Variants in ITGA11 observed in about 807,000 individuals in gnomAD.
The protein encoded by ITGA11 is integrin subunit alpha 11.
Under a neutral mutation model 141.9 loss-of-function variants are expected in ITGA11, and 97 were observed. The observed-to-expected ratio is 0.68, with a 90% CI of 0.58 to 0.81. ITGA11 has a LOEUF of 0.81. ITGA11 is among the 30% of genes least tolerant of loss of function. The probability of loss-of-function intolerance (pLI) is 0.00; values close to 1 mark genes in which losing one functional copy is unlikely to be tolerated. For synonymous variants in ITGA11, 658 were observed against 624.6 expected, an observed-to-expected ratio of 1.05 and a Z score of -0.80; for missense variants, 1,387 against 1,559.2, an observed-to-expected ratio of 0.89 and a Z score of 1.86.
intron 1 of ITGA11, among the ~76,000 whole-genome samples, chr15:68,415,699 C>G (rs575718122): frequency 1.3e-5 from 2 of 152,288 alleles, no homozygotes; most frequent in East Asian, 3.9e-4. Context: ...CTCACATGCC[C>G]TCTCGAATGT....
chr15:68,405,505 G>C (rs1228832659), intron 1 of ITGA11, among the ~76,000 whole-genome samples: 1 of 152,142 alleles, frequency 6.6e-6, no homozygotes, highest in Admixed American at 6.5e-5. Context: ...TGGCCCTGGA[G>C]TGGGGGTTGG....
chr15:68,405,215 T>C (rs557301284), intron 1 of ITGA11, among the ~76,000 whole-genome samples: 1 of 128,862 alleles, frequency 7.8e-6, no homozygotes, highest in Admixed American at 9.8e-5. Flanking sequence ...TTTCCATCAT[T>C]AGAGTCATAG....
chr15:68,409,669 C>G (rs1896728406), intron 1 of ITGA11, among the ~76,000 whole-genome samples: 1 of 152,008 alleles, frequency 6.6e-6, no homozygotes, highest in Non-Finnish European at 1.5e-5. Context: ...ACTTAGATAA[C>G]AATAATAAAA....
chr15:68,428,989 G>A (rs1330772576), intron 1 of ITGA11, among the ~76,000 whole-genome samples: 1 of 152,158 alleles, frequency 6.6e-6, no homozygotes, highest in Non-Finnish European at 1.5e-5. Flanking sequence ...ATTCTTCAAT[G>A]TACTTCCTCT....
At position 68,325,927 on chromosome 15, in the gene ITGA11, G is replaced by A. The variant is rs372588659; in HGVS notation, c.2212-686C>T. Among the ~76,000 whole-genome samples the A allele has an allele frequency of 5.3e-5, 8 of 150,044 alleles. No homozygotes were observed. Among genetic ancestry groups the A allele is most frequent in the Admixed American group, 6.6e-5 (1 of 15,198 alleles). On this transcript the variant is annotated intron_variant, in intron 17 of 29. Coordinates refer to ENST00000315757, the MANE Select transcript of ITGA11 (RefSeq NM_001004439.2). The surrounding 1 kb of genome is among the most constrained non-coding windows in gnomAD (Gnocchi z 5.5). ...GCTTGTTAAAACACAGGGTGCTGGCGCCAGCCCCAGCCCCAGCCCCAGAGT... is the reference window on the plus strand; with the variant it reads ...GCTTGTTAAAACACAGGGTGCTGGCACCAGCCCCAGCCCCAGCCCCAGAGT...
At position 68,310,344 on chromosome 15, in the gene ITGA11, G is replaced by A. The variant is rs150628715; in HGVS notation, c.3174+650C>T. Among the ~76,000 whole-genome samples the A allele has an allele frequency of 5.3e-4, 81 of 152,266 alleles. 1 individual carries two copies. In the East Asian group the frequency reaches 0.013, roughly 24 times the overall value. On this transcript the variant is annotated intron_variant, in intron 26 of 29. Coordinates refer to ENST00000315757, the MANE Select transcript of ITGA11 (RefSeq NM_001004439.2). ...AACCCCAACCCAGCCTAAATCTTTG[G>A]CAAAGCCCACTACCCTCAGTAAGTG...
At chr15:68,318,651 G>C (rs1008700917) in intron 20 of ITGA11, among the ~76,000 whole-genome samples, 1 of 152,072 alleles carries the variant, frequency 6.6e-6, no homozygotes, top group African/African-American at 2.4e-5. Context: ...GCAGCTCCTC[G>C]CTTTCCTGGG....
chr15:68,399,110 T>C (rs942933732), intron 2 of ITGA11, among the ~76,000 whole-genome samples: 4 of 151,924 alleles, frequency 2.6e-5, no homozygotes, highest in Admixed American at 6.6e-5. Context: ...GGATCTATCA[T>C]AGCTAAAACA....
rs944856688 is a variant in ITGA11, at chr15:68,339,434, T to A, written c.1276+66A>T. On this transcript the variant is annotated intron_variant, in intron 11 of 29. Transcript: ENST00000315757. ...CCCTCACTCGTGTGTGGGCTGGGGG[T>A]TGTGCAGCCCCTGGGTGCCCTCCCG... 5 of 1,527,886 alleles carry A rather than the reference T, an allele frequency of 3.3e-6. No homozygotes were observed. In the African/African-American group the frequency reaches 5.5e-5, roughly 17 times the overall value. The allele number at this position is 1,527,886 out of a possible 1,614,324, so 94.6% of individuals were successfully genotyped here.
intron 2 of ITGA11, among the ~76,000 whole-genome samples, chr15:68,380,958 C>T (rs1019940556): frequency 2.0e-5 from 3 of 152,208 alleles, no homozygotes; most frequent in Non-Finnish European, 4.4e-5. Flanking sequence ...ACAGCATTGT[C>T]ACCCAGTCAG....
intron 21 of ITGA11, among the ~76,000 whole-genome samples, chr15:68,316,567 A>G (rs1373213057): frequency 1.3e-5 from 2 of 152,026 alleles, no homozygotes; most frequent in Admixed American, 6.5e-5. Context: ...CCTTTGACTT[A>G]TATCTCACCA....
chr15:68,403,632 CTTTT>C (rs869046825), intron 1 of ITGA11, among the ~76,000 whole-genome samples: 2 of 60,678 alleles, frequency 3.3e-5, no homozygotes, highest in African/African-American at 7.9e-5. Context: ...TTCTTTCTTT[CTTTT>C]TTTTTTCTGT....
At chr15:68,343,701 G>C (rs1173970060) in intron 10 of ITGA11, among the ~76,000 whole-genome samples, 1 of 152,238 alleles carries the variant, frequency 6.6e-6, no homozygotes, top group Non-Finnish European at 1.5e-5. Flanking sequence ...CCACGTCAGA[G>C]TGGCTGTAGA....
At position 68,314,765 on chromosome 15, in the gene ITGA11, T is replaced by A. The variant is rs1460251700; in HGVS notation, c.2792+886A>T. Among the ~76,000 whole-genome samples, 3 of 152,212 alleles carry A rather than the reference T, an allele frequency of 2.0e-5. No individual in the cohort carries two copies. In the South Asian group the frequency reaches 6.2e-4, roughly 32 times the overall value. ...GTGGTGTGTGAGAATTCTACCAGGA[T>A]GCACAATTCATTTAACTGTAGCTGG... On this transcript the variant is annotated intron_variant, in intron 22 of 29. Transcript: ENST00000315757.
chr15:68,402,471 T>C (rs1896534611), intron 2 of ITGA11, among the ~76,000 whole-genome samples: 1 of 152,034 alleles, frequency 6.6e-6, no homozygotes, highest in Non-Finnish European at 1.5e-5. Flanking sequence ...GGAGGGCTCT[T>C]GGGGATCTTT....
Position 68,339,351 on chromosome 15 carries a change from C to T in ITGA11, c.1276+149G>A, listed in dbSNP as rs534140428. On this transcript the variant is annotated intron_variant, in intron 11 of 29. Transcript: ENST00000315757. ...GATACCAGGGTGGAGAGGAAATGCC[C>T]CCGGGGATGCTCTTCAGAGTTGGGT... 4.8e-4 allele frequency: 411 copies of T among 850,616 alleles called. 7 individuals carry two copies. In the South Asian group the frequency reaches 6.7e-3, roughly 14 times the overall value. The allele number at this position is 850,616 out of a possible 1,614,324, so 52.7% of individuals were successfully genotyped here.
At chr15:68,394,301 T>C (rs1567155424) in intron 2 of ITGA11, among the ~76,000 whole-genome samples, 1 of 152,080 alleles carries the variant, frequency 6.6e-6, no homozygotes, top group African/African-American at 2.4e-5. Context: ...AGAAATATAA[T>C]AGAAAGACAA....
At chr15:68,383,916 C>T (rs1392886191) in intron 2 of ITGA11, among the ~76,000 whole-genome samples, 8 of 152,208 alleles carry the variant, frequency 5.3e-5, no homozygotes, top group Middle Eastern at 3.4e-3. Context: ...TGGGAAGAGA[C>T]GGGTGGCAAA....
chr15:68,309,398 G>A (rs1048160438), intron 26 of ITGA11, among the ~76,000 whole-genome samples: 17 of 152,130 alleles, frequency 1.1e-4, no homozygotes, highest in African/African-American at 3.6e-4. Flanking sequence ...CAATGCTCCT[G>A]CTCGCTCCTC....
Sources: gnomAD v4.1 joint callset for allele counts (sites outside exome capture counted in the v4.1 genomes callset) on GRCh38, gnomAD v4.1.1 for gene constraint, Gnocchi (gnomAD v3.1) non-coding constraint, MANE v1.5 for transcripts, NCBI Gene and HGNC (gene_info 2026-07-23, HGNC 2026-07-21) for gene names.